Variants in CCDC148 observed in about 807,000 individuals in gnomAD.
CCDC148 encodes coiled-coil domain-containing protein 148.
CCDC148 carries 89 observed loss-of-function variants against 85.7 expected under a neutral mutation model. That is an observed-to-expected ratio of 1.04 (90% CI 0.87 to 1.24). The LOEUF (loss-of-function observed/expected upper bound fraction) is 1.24. Among genes scored for constraint, CCDC148 ranks in the 50% most tolerant of loss-of-function variants. The pLI is 0.00. For missense variants in CCDC148, 692 were observed against 671.7 expected (o/e 1.03, Z -0.33); for synonymous variants, 230 against 213.9 (o/e 1.08, Z -0.66).
chr2:158,411,239 G>C (rs1238168082), intron 1 of CCDC148, among the ~76,000 whole-genome samples: 2 of 152,118 alleles, frequency 1.3e-5, no homozygotes, highest in Non-Finnish European at 2.9e-5. Flanking sequence ...CCAGATTTGG[G>C]AAGTTTTCAG....
At chr2:158,258,987 C>T (rs554708080) in intron 9 of CCDC148, among the ~76,000 whole-genome samples, 1 of 151,948 alleles carries the variant, frequency 6.6e-6, no homozygotes, top group East Asian at 1.9e-4. Context: ...CATAATCCCA[C>T]ACCAATTACC....
chr2:158,293,483 T>C (rs1482004897), intron 9 of CCDC148, among the ~76,000 whole-genome samples: 1 of 152,176 alleles, frequency 6.6e-6, no homozygotes, highest in Non-Finnish European at 1.5e-5. Context: ...ACATAGCAAG[T>C]GCAGGTAGGG....
chr2:158,411,362 G>T (rs374533685), intron 1 of CCDC148, among the ~76,000 whole-genome samples: 2 of 151,930 alleles, frequency 1.3e-5, no homozygotes, highest in East Asian at 3.9e-4. Flanking sequence ...AAATCCTGAA[G>T]GCTTATTTCA....
intron 1 of CCDC148, among the ~76,000 whole-genome samples, chr2:158,385,725 G>C (rs1206829529): frequency 6.6e-6 from 1 of 152,124 alleles, no homozygotes; most frequent in African/African-American, 2.4e-5. Context: ...TTAGCCTCCT[G>C]ACACTGCTGT....
intron 10 of CCDC148, among the ~76,000 whole-genome samples, chr2:158,241,422 G>T (rs1033797739): frequency 1.3e-5 from 2 of 152,070 alleles, no homozygotes; most frequent in African/African-American, 4.8e-5. Flanking sequence ...CCTAAGAATT[G>T]TATATCAGTT....
At chr2:158,187,875 T>G (rs1685229653) in intron 11 of CCDC148, among the ~76,000 whole-genome samples, 1 of 152,034 alleles carries the variant, frequency 6.6e-6, no homozygotes, top group African/African-American at 2.4e-5. Flanking sequence ...TATTTGTTCT[T>G]TATGTAAGTT....
intron 10 of CCDC148, among the ~76,000 whole-genome samples, chr2:158,227,168 A>C (rs937327316): frequency 2.1e-4 from 32 of 152,292 alleles, no homozygotes; most frequent in South Asian, 1.5e-3. Context: ...AATAACAGAC[A>C]AACAGAGAGC....
intron 7 of CCDC148, among the ~76,000 whole-genome samples, chr2:158,329,139 T>C (rs1692954756): frequency 6.6e-6 from 1 of 152,258 alleles, no homozygotes; most frequent in South Asian, 2.1e-4. Flanking sequence ...AGGGTTTTTA[T>C]GGTTTTAGGT....
chr2:158,285,091 C>G (rs1038401947), intron 9 of CCDC148, among the ~76,000 whole-genome samples: 11 of 152,062 alleles, frequency 7.2e-5, no homozygotes, highest in Non-Finnish European at 1.5e-4. Context: ...AGTTCAAGAT[C>G]AGCCTGGCCA....
rs78773678 is a variant in CCDC148, at chr2:158,391,200, A to G, written c.26-32630T>C. Among the ~76,000 whole-genome samples, 1,475 of 152,252 alleles carry G rather than the reference A, an allele frequency of 9.7e-3. 20 individuals are homozygous for G. Among genetic ancestry groups the G allele is most frequent in the African/African-American group, 0.033 (1,367 of 41,554 alleles). ...TGTGATGATGAACCGTGAATTACAGAAGGGCAAGCTCCATTTACTATTGAT... is the reference window on the plus strand; with the variant it reads ...TGTGATGATGAACCGTGAATTACAGGAGGGCAAGCTCCATTTACTATTGAT... On this transcript the variant is annotated intron_variant, in intron 1 of 13. Transcript: ENST00000283233.
chr2:158,181,181 T>C (rs1574348946), intron 11 of CCDC148, among the ~76,000 whole-genome samples: 1 of 152,162 alleles, frequency 6.6e-6, no homozygotes, highest in Non-Finnish European at 1.5e-5. Context: ...CTTTGGGATA[T>C]ATAGGTTGCT....
intron 11 of CCDC148, among the ~76,000 whole-genome samples, chr2:158,179,977 T>C (rs1684810796): frequency 6.6e-6 from 1 of 152,160 alleles, no homozygotes; most frequent in Non-Finnish European, 1.5e-5. Context: ...CTCTGCTGCC[T>C]TTTTTGGGCA....
chr2:158,312,821 G>A (rs1574603740), intron 8 of CCDC148, among the ~76,000 whole-genome samples: 1 of 152,060 alleles, frequency 6.6e-6, no homozygotes, highest in East Asian at 1.9e-4. Context: ...GAGGTGAAGA[G>A]GATGAAAGAG....
At chr2:158,318,641 TA>T (rs1692390790) in intron 7 of CCDC148, among the ~76,000 whole-genome samples, 1 of 152,046 alleles carries the variant, frequency 6.6e-6, no homozygotes, top group Non-Finnish European at 1.5e-5. Context: ...TTAGAATGTA[TA>T]TTTTTTGGAA....
chr2:158,435,724 G>A (rs1212651095), intron 1 of CCDC148, among the ~76,000 whole-genome samples: 2 of 152,140 alleles, frequency 1.3e-5, no homozygotes, highest in African/African-American at 4.8e-5. Flanking sequence ...GCTGTATTCA[G>A]GAGACCCATC....
At chr2:158,370,128 G>A (rs115064902) in intron 1 of CCDC148, among the ~76,000 whole-genome samples, 2,758 of 151,972 alleles carry the variant, frequency 0.018, 45 homozygotes, top group Non-Finnish European at 0.03. Flanking sequence ...AGGTTGGCCT[G>A]TCAGGGGGTT....
chr2:158,253,587 C>T lies in CCDC148; in HGVS notation c.1111-2675G>A, dbSNP rs1258832607. 2.6e-5 allele frequency among the ~76,000 whole-genome samples: 4 copies of T among 151,632 alleles called. No individual in the cohort carries two copies. The Admixed American group carries it at 2.6e-4, about 10-fold the overall frequency. On this transcript the variant is annotated intron_variant, in intron 9 of 13. Transcript: ENST00000283233. ...GAGCACAGTCCATGCATTTGCCTTC[C>T]CCTTATACTGCCTAGCAGAGTACTG...
Position 158,356,712 on chromosome 2 carries a change from C to G in CCDC148, c.147+1737G>C, listed in dbSNP as rs1309523499. On this transcript the variant is annotated intron_variant, in intron 2 of 13. Coordinates refer to ENST00000283233, the MANE Select transcript of CCDC148 (RefSeq NM_138803.4). ...TCTAGAACTGGAAATACCATTTGAC[C>G]CAGCAATCCCATTACTGGGTATATA... is the stretch of plus-strand genomic sequence containing the variant. 2.4e-3 allele frequency among the ~76,000 whole-genome samples: 349 copies of G among 146,414 alleles called. 4 individuals carry two copies. Among genetic ancestry groups the G allele is most frequent in the East Asian group, 0.021 (106 of 4,984 alleles).
At chr2:158,331,661 C>A (rs1282249518) in intron 7 of CCDC148, among the ~76,000 whole-genome samples, 3 of 152,078 alleles carry the variant, frequency 2.0e-5, no homozygotes, top group African/African-American at 4.8e-5. Flanking sequence ...GTAGGTCACT[C>A]AGGACTTGCT....
Sources: allele counts gnomAD v4.1 joint callset (sites outside exome capture counted in the v4.1 genomes callset), GRCh38; gene constraint gnomAD v4.1.1; transcripts MANE v1.5; gene names NCBI Gene and HGNC (gene_info 2026-07-23, HGNC 2026-07-21).